Variants in THRB observed in about 807,000 individuals in gnomAD.
The protein encoded by THRB is nuclear receptor subfamily 1 group A member 2.
THRB carries 12 observed loss-of-function variants against 47.8 expected under a neutral mutation model. The ratio of observed to expected loss-of-function variants is 0.25; its 90% CI spans 0.16 to 0.41. THRB has a LOEUF of 0.41. THRB is among the 10% of genes least tolerant of loss of function. THRB has a pLI of 1.00. For missense variants in THRB, 348 were observed against 589.2 expected, an observed-to-expected ratio of 0.59 and a Z score of 4.24; for synonymous variants, 218 against 212.2, an observed-to-expected ratio of 1.03 and a Z score of -0.24.
chr3:24,201,627 T>C (rs2044608747), intron 4 of THRB, among the ~76,000 whole-genome samples: 1 of 152,178 alleles, frequency 6.6e-6, no homozygotes, highest in African/African-American at 2.4e-5. Flanking sequence ...ATATACCACA[T>C]AGTGATAAGA....
chr3:24,352,393 A>G (rs748705027), intron 1 of THRB, among the ~76,000 whole-genome samples: 2 of 152,132 alleles, frequency 1.3e-5, no homozygotes, highest in Non-Finnish European at 2.9e-5. Context: ...CCCTATGAGG[A>G]TAGGGCTGTG....
intron 3 of THRB, among the ~76,000 whole-genome samples, chr3:24,257,138 G>C (rs2051374404): frequency 6.6e-6 from 1 of 152,150 alleles, no homozygotes; most frequent in African/African-American, 2.4e-5. Context: ...CTGAAGTCTT[G>C]TTCCAGCTCT....
At chr3:24,415,996 C>T (rs1048914193) in intron 1 of THRB, among the ~76,000 whole-genome samples, 13 of 151,796 alleles carry the variant, frequency 8.6e-5, no homozygotes, top group African/African-American at 3.1e-4. Flanking sequence ...ATTCATGGTG[C>T]TCATGGAATG....
intron 1 of THRB, among the ~76,000 whole-genome samples, chr3:24,408,107 A>C (rs946311899): frequency 1.2e-4 from 18 of 152,038 alleles, no homozygotes; most frequent in Admixed American, 3.3e-4. Context: ...ATTTGCTAAT[A>C]CTATTTTTTG....
At chr3:24,342,860 T>A (rs1371433550) in intron 1 of THRB, among the ~76,000 whole-genome samples, 2 of 152,094 alleles carry the variant, frequency 1.3e-5, no homozygotes, top group Non-Finnish European at 2.9e-5. Flanking sequence ...AGGAGCGAAG[T>A]GCAGGAAATA....
intron 1 of THRB, among the ~76,000 whole-genome samples, chr3:24,345,352 A>G (rs927817280): frequency 6.6e-6 from 1 of 152,108 alleles, no homozygotes; most frequent in Non-Finnish European, 1.5e-5. Context: ...ACCACTATCC[A>G]TGAAGGAGCA....
chr3:24,362,588 T>C lies in THRB; in HGVS notation c.-260-25217A>G, dbSNP rs78708325. 1.3e-3 allele frequency among the ~76,000 whole-genome samples: 200 copies of C among 152,314 alleles called. 1 individual carries two copies. Among genetic ancestry groups the C allele is most frequent in the Non-Finnish European group, 1.9e-3 (130 of 68,024 alleles). On this transcript the variant is annotated intron_variant, in intron 1 of 10. Transcript: ENST00000646209. Reference sequence around the variant, plus strand: ...AAATGGACTCTCATCCACTGGACTGTAAGCTTCATGAAGGCAGAGATTTTA... The same window carrying C: ...AAATGGACTCTCATCCACTGGACTGCAAGCTTCATGAAGGCAGAGATTTTA...
At chr3:24,187,772 C>T (rs985189793) in intron 5 of THRB, among the ~76,000 whole-genome samples, 6 of 152,134 alleles carry the variant, frequency 3.9e-5, no homozygotes, top group Non-Finnish European at 8.8e-5. Context: ...GATGGAGAAC[C>T]AACTCTATAA....
chr3:24,265,551 T>C (rs11714108), intron 3 of THRB, among the ~76,000 whole-genome samples: 32,669 of 152,140 alleles, frequency 0.21, 3,781 homozygotes, highest in South Asian at 0.35. Context: ...TGGTACTGTA[T>C]AATAATCAAG....
chr3:24,151,863 C>T (rs1247955101), intron 6 of THRB, among the ~76,000 whole-genome samples: 3 of 152,112 alleles, frequency 2.0e-5, no homozygotes, highest in African/African-American at 2.4e-5. Context: ...GCAGGCTGTG[C>T]GAAAAGCCAA....
At chr3:24,342,544 T>TA (rs2149471058) in intron 1 of THRB, among the ~76,000 whole-genome samples, 1 of 152,162 alleles carries the variant, frequency 6.6e-6, no homozygotes, top group Non-Finnish European at 1.5e-5. Context: ...GGAGAAGAAA[T>TA]ACCCTGGCTT....
intron 1 of THRB, among the ~76,000 whole-genome samples, chr3:24,341,396 A>G (rs958291464): frequency 2.0e-5 from 3 of 151,526 alleles, no homozygotes; most frequent in African/African-American, 7.3e-5. Flanking sequence ...ACACTCAGCT[A>G]ATTTTTATAT....
Position 24,159,727 on chromosome 3 carries a change from CTGTGTGTGTGTGTGTG to C in THRB, c.284-7253_284-7238del, listed in dbSNP as rs67972581. ...GAGACATTTTTGGTTGCCACAACTGCTGTGTGTGTGTGTGTGTGTGTGTGTGTGTGTGTGTGTGTGT... is the reference window on the plus strand; with the variant it reads ...GAGACATTTTTGGTTGCCACAACTGCTGTGTGTGTGTGTGTGTGTGTGTGT... On this transcript the variant is annotated intron_variant, in intron 5 of 10. Coordinates refer to ENST00000646209, the MANE Select transcript of THRB (RefSeq NM_001354712.2). Among the ~76,000 whole-genome samples the C allele has an allele frequency of 8.8e-3, 1,281 of 145,416 alleles. 16 individuals are homozygous for C. The highest frequency in any genetic ancestry group is 0.029 in the African/African-American group (1,159 of 39,436).
At chr3:24,364,729 T>C (rs2064330930) in intron 1 of THRB, among the ~76,000 whole-genome samples, 1 of 152,118 alleles carries the variant, frequency 6.6e-6, no homozygotes, top group African/African-American at 2.4e-5. Flanking sequence ...TGTGAAAAAT[T>C]ACAGGGATAA....
At chr3:24,278,103 G>A (rs1190444063) in intron 3 of THRB, among the ~76,000 whole-genome samples, 1 of 152,142 alleles carries the variant, frequency 6.6e-6, no homozygotes, top group Non-Finnish European at 1.5e-5. Flanking sequence ...GAGAACAGAA[G>A]ATATGCAGAA....
At chr3:24,342,436 A>G in intron 1 of THRB, among the ~76,000 whole-genome samples, 1 of 152,192 alleles carries the variant, frequency 6.6e-6, no homozygotes, top group Admixed American at 6.5e-5. Context: ...GGGGTCATTC[A>G]GCAGAAACTG....
chr3:24,490,643 A>G (rs953506988), intron 1 of THRB, among the ~76,000 whole-genome samples: 3 of 152,152 alleles, frequency 2.0e-5, no homozygotes, highest in African/African-American at 7.2e-5. Context: ...ATCAGGGGCC[A>G]CATATTCAGG....
intron 5 of THRB, among the ~76,000 whole-genome samples, chr3:24,187,854 A>G (rs1301705887): frequency 6.6e-6 from 1 of 152,184 alleles, no homozygotes; most frequent in Non-Finnish European, 1.5e-5. Flanking sequence ...CCCATTTTGA[A>G]TGAATGGTAT....
intron 1 of THRB, among the ~76,000 whole-genome samples, chr3:24,477,007 A>ATTTTTTTTT (rs558247174): frequency 1.6e-5 from 2 of 126,490 alleles, no homozygotes; most frequent in African/African-American, 6.2e-5. Flanking sequence ...GGTTTTCAAG[A>ATTTTTTTTT]TTTTTTTTTT....
Sources: gnomAD v4.1 joint callset for allele counts (sites outside exome capture counted in the v4.1 genomes callset) on GRCh38, gnomAD v4.1.1 for gene constraint, MANE v1.5 for transcripts, NCBI Gene and HGNC (gene_info 2026-07-23, HGNC 2026-07-21) for gene names.